The following GUCY1B1 variants were observed in gnomAD, a reference collection of about 807,000 sequenced individuals.
GUCY1B1 encodes the protein guanylate cyclase soluble subunit beta-1.
In GUCY1B1, 43 loss-of-function variants were observed where a neutral mutation model predicts 71.0. The ratio of observed to expected loss-of-function variants is 0.61; its 90% CI spans 0.47 to 0.78. The LOEUF (loss-of-function observed/expected upper bound fraction) is 0.78, where lower values mean the gene tolerates loss of function less well. Among genes scored for constraint, GUCY1B1 ranks in the 30% least tolerant of loss-of-function variants. The probability of loss-of-function intolerance (pLI) is 0.00; values close to 1 mark genes in which losing one functional copy is unlikely to be tolerated. For missense variants in GUCY1B1, 535 were observed against 754.1 expected, an observed-to-expected ratio of 0.71 and a Z score of 3.40; for synonymous variants, 266 against 259.7, an observed-to-expected ratio of 1.02 and a Z score of -0.23.
In GUCY1B1 at chr4:155,804,604, G is replaced by A. The variant is rs770596444; in HGVS notation, c.1566G>A (p.Gly522=). 1 of 1,612,080 alleles carries A rather than the reference G, an allele frequency of 6.2e-7. No homozygotes were observed. The highest frequency in any genetic ancestry group is 8.5e-7 in the Non-Finnish European group (1 of 1,178,362). ...TTTCTTTTTTGCAGATAACAATAGG[G>A]ATACACACTGGAGAGGTAGTTACAG... The part of the protein sequence containing the change: ...VDGESVQITI[G]IHTGEVVTGV... The change falls in exon 12 of 14, where the codon GGG becomes GGA. Residue 522 remains glycine (G), a synonymous_variant. Transcript: ENST00000264424.
chr4:155,772,582 A>ATT, intron 2 of GUCY1B1: 1 of 596,336 alleles, frequency 1.7e-6, no homozygotes, highest in Non-Finnish European at 3.0e-6. Context: ...ACACCTGCCT[A>ATT]ATTTTTTTTT....
At chr4:155,800,298 T>C (rs1739855172) in intron 9 of GUCY1B1, among the ~76,000 whole-genome samples, 2 of 152,370 alleles carry the variant, frequency 1.3e-5, no homozygotes, top group Non-Finnish European at 1.5e-5. Context: ...CAAGTTGGAA[T>C]AATATAGGCC....
intron 2 of GUCY1B1, among the ~76,000 whole-genome samples, chr4:155,763,057 A>G (rs1343773542): frequency 6.6e-6 from 1 of 152,244 alleles, no homozygotes; most frequent in African/African-American, 2.4e-5. Flanking sequence ...AAATAAATAA[A>G]GTTAGGAGTG....
chr4:155,760,075 A>G (rs1311050869), intron 2 of GUCY1B1, among the ~76,000 whole-genome samples: 1 of 152,086 alleles, frequency 6.6e-6, no homozygotes, highest in African/African-American at 2.4e-5. Flanking sequence ...TGCGAGGGCG[A>G]GAACCGCGGA....
In GUCY1B1 at chr4:155,774,940, TTCTG is replaced by T. The variant is rs556270727; in HGVS notation, c.78-24_78-21del. On this transcript the variant is annotated intron_variant, in intron 2 of 13. Coordinates refer to ENST00000264424, the MANE Select transcript of GUCY1B1 (RefSeq NM_000857.5). The stretch of plus-strand genomic sequence containing the variant: ...TATTTTTTTAACTTCAACTTTTCTC[TTCTG>T]TCTTTCTTGTTTTTGTTTTCCAGAA... 337 of 1,158,624 alleles carry T rather than the reference TTCTG, an allele frequency of 2.9e-4. No homozygotes were observed. The African/African-American group carries it at 4.5e-3, about 16-fold the overall frequency. The allele number at this position is 1,158,624 out of a possible 1,614,324, so 71.8% of individuals were successfully genotyped here.
intron 2 of GUCY1B1, among the ~76,000 whole-genome samples, chr4:155,771,366 G>A (rs1379884057): frequency 1.3e-5 from 2 of 152,162 alleles, no homozygotes; most frequent in Admixed American, 1.3e-4. Flanking sequence ...CCATGGTTAG[G>A]GGGTTTCTGA....
intron 5 of GUCY1B1, among the ~76,000 whole-genome samples, chr4:155,791,202 C>T (rs1009685385): frequency 2.6e-5 from 4 of 151,368 alleles, no homozygotes; most frequent in African/African-American, 9.7e-5. Context: ...GCAAGCTCCA[C>T]CTCCCGGGTT....
chr4:155,803,045 T>C lies in GUCY1B1; in HGVS notation c.1413+466T>C, dbSNP rs951009917. On this transcript the variant is annotated intron_variant, in intron 10 of 13. Coordinates refer to ENST00000264424, the MANE Select transcript of GUCY1B1 (RefSeq NM_000857.5). ...ACATTTATAAGGCGTTTTTGCCCTT[T>C]GTTTCATTTAGAAATAAATATAATA... Among the ~76,000 whole-genome samples, 5 of 152,354 alleles carry C rather than the reference T, an allele frequency of 3.3e-5. No individual in the cohort carries two copies. In the East Asian group the frequency reaches 9.6e-4, roughly 29 times the overall value.
rs142497153 is a variant in GUCY1B1, at chr4:155,767,912, GA to G, written c.78-7055del. On this transcript the variant is annotated intron_variant, in intron 2 of 13. Transcript: ENST00000264424. ...GATTTTAGTTTTAATAATGGTTGGGGACAATGCAACATTATGGTACCAATTC... is the reference window on the plus strand; with the variant it reads ...GATTTTAGTTTTAATAATGGTTGGGGCAATGCAACATTATGGTACCAATTC... Among the ~76,000 whole-genome samples, 805 of 152,226 alleles carry G rather than the reference GA, an allele frequency of 5.3e-3. 10 individuals are homozygous for G. The highest frequency in any genetic ancestry group is 0.018 in the African/African-American group (750 of 41,546).
intron 2 of GUCY1B1, among the ~76,000 whole-genome samples, chr4:155,760,161 C>G (rs1469142459): frequency 6.6e-6 from 1 of 152,144 alleles, no homozygotes; most frequent in Non-Finnish European, 1.5e-5. Flanking sequence ...CTCCCAGGCT[C>G]AGCAGGCCGG....
Position 155,772,583 on chromosome 4 carries a change from A to AT in GUCY1B1, c.78-2375dup, listed in dbSNP as rs981297802. ...AGACTTGCGCCACCACACCTGCCTA[A>AT]TTTTTTTTTTATTTCTAGGAGAGAA... is the stretch of plus-strand genomic sequence containing the variant. On this transcript the variant is annotated intron_variant, in intron 2 of 13. Coordinates refer to ENST00000264424, the MANE Select transcript of GUCY1B1 (RefSeq NM_000857.5). The AT allele has an allele frequency of 6.0e-3, 3,042 of 504,794 alleles. 2 individuals carry two copies. Among genetic ancestry groups the AT allele is most frequent in the African/African-American group, 0.011 (545 of 50,302 alleles). 31.3% of individuals were successfully genotyped at this position (504,794 alleles called of 1,614,324 possible). A position where few individuals can be genotyped will look rare whatever the true frequency, so the allele number is the denominator to read the frequency against.
chr4:155,775,483 G>A (rs543164733), intron 3 of GUCY1B1, among the ~76,000 whole-genome samples: 4 of 152,108 alleles, frequency 2.6e-5, no homozygotes, highest in East Asian at 1.9e-4. Context: ...TGGTAGAGAC[G>A]AGGTTTCATC....
At chr4:155,777,715 T>C in intron 4 of GUCY1B1, 73 bp downstream of exon 4, 1 of 776,598 alleles carries the variant, frequency 1.3e-6, no homozygotes. Flanking sequence ...AGAATACTTT[T>C]GTTCACTCAG....
intron 2 of GUCY1B1, among the ~76,000 whole-genome samples, chr4:155,764,116 TAAAAC>T (rs1737179284): frequency 6.6e-6 from 1 of 152,174 alleles, no homozygotes; most frequent in Admixed American, 6.5e-5. Flanking sequence ...CAAAGCAAAT[TAAAAC>T]AAACAAAAGA....
intron 4 of GUCY1B1, among the ~76,000 whole-genome samples, chr4:155,787,413 C>G (rs1035841217): frequency 1.3e-5 from 2 of 152,166 alleles, no homozygotes; most frequent in African/African-American, 4.8e-5. Flanking sequence ...CAAAAAGTCA[C>G]CAGATTTATC....
chr4:155,802,741 C>T lies in GUCY1B1; in HGVS notation c.1413+162C>T, dbSNP rs929351306. ...CTTTACCATGTTCTTAAATAATTGC[C>T]TCTTGTTATAAAACTGTCTCTTCCT... On this transcript the variant is annotated intron_variant, in intron 10 of 13. Coordinates refer to ENST00000264424, the MANE Select transcript of GUCY1B1 (RefSeq NM_000857.5). This position sits in a 1 kb window ranked among gnomAD's most constrained non-coding sequence, Gnocchi z 4.3. 3.9e-5 allele frequency among the ~76,000 whole-genome samples: 6 copies of T among 152,148 alleles called. No homozygotes were observed. Among genetic ancestry groups the T allele is most frequent in the Admixed American group, 2.0e-4 (3 of 15,266 alleles).
chr4:155,791,617 G>A (rs1739176033), intron 5 of GUCY1B1, among the ~76,000 whole-genome samples: 1 of 151,004 alleles, frequency 6.6e-6, no homozygotes, highest in African/African-American at 2.4e-5. Context: ...TATAATCCCA[G>A]CTACTCGGGA....
chr4:155,776,359 A>T (rs1554009979), intron 3 of GUCY1B1, among the ~76,000 whole-genome samples: 1 of 152,174 alleles, frequency 6.6e-6, no homozygotes, highest in Non-Finnish European at 1.5e-5. Flanking sequence ...ATAAGAAGGG[A>T]TTGGTTAAAT....
chr4:155,783,348 A>C (rs1002801006), intron 4 of GUCY1B1, among the ~76,000 whole-genome samples: 1 of 152,240 alleles, frequency 6.6e-6, no homozygotes, highest in Non-Finnish European at 1.5e-5. Flanking sequence ...AATGCAATTA[A>C]AATGAGCAGC....
Sources: allele counts gnomAD v4.1 joint callset (sites outside exome capture counted in the v4.1 genomes callset), GRCh38; gene constraint gnomAD v4.1.1; non-coding constraint Gnocchi (gnomAD v3.1); transcripts MANE v1.5; gene names NCBI Gene and HGNC (gene_info 2026-07-23, HGNC 2026-07-21).